Variants in CNBD1 observed in about 807,000 individuals in gnomAD.
CNBD1 encodes cyclic nucleotide binding domain containing 1.
In CNBD1, 71 loss-of-function variants were observed where a neutral mutation model predicts 54.4. The ratio of observed to expected loss-of-function variants is 1.30; its 90% CI spans 1.08 to 1.59. The LOEUF is 1.59. CNBD1 is among the 40% of genes most tolerant of loss of function. CNBD1 has a pLI of 0.00. For missense variants in CNBD1, 659 were observed against 518.0 expected (o/e 1.27, Z -2.64); for synonymous variants, 182 against 170.7 (o/e 1.07, Z -0.51).
rs368709291 is a variant in CNBD1, at chr8:86,906,394, G to A, written c.272+1200G>A. On this transcript the variant is annotated intron_variant, in intron 3 of 10. Transcript: ENST00000518476. ...GCTCTGCCTTTTCAAGAACAATTCT[G>A]TTAAATTAATAAAATCTTTTGAAAA... 2.1e-4 allele frequency among the ~76,000 whole-genome samples: 32 copies of A among 152,194 alleles called. No homozygotes were observed. The East Asian group carries it at 3.9e-3, about 18-fold the overall frequency.
intron 4 of CNBD1, among the ~76,000 whole-genome samples, chr8:87,189,523 A>G (rs535528221): frequency 6.6e-6 from 1 of 152,290 alleles, no homozygotes; most frequent in South Asian, 2.1e-4. Flanking sequence ...ACAAGAAAAA[A>G]GCCCAGCTAT....
rs372062301 is a variant in CNBD1, at chr8:87,082,653, C to CTGTG, written c.432-123322_432-123319dup. 5.6e-3 allele frequency among the ~76,000 whole-genome samples: 840 copies of CTGTG among 149,522 alleles called. 7 individuals are homozygous for CTGTG. The highest frequency in any genetic ancestry group is 0.019 in the African/African-American group (781 of 40,840). On this transcript the variant is annotated intron_variant, in intron 4 of 10. Transcript: ENST00000518476. The stretch of plus-strand genomic sequence containing the variant: ...CTTATACACTGCATACAACTGAACC[C>CTGTG]TGTGTGTGTGTGTGTGTGTGTTTTA...
chr8:87,138,622 A>G (rs1254389170), intron 4 of CNBD1, among the ~76,000 whole-genome samples: 2 of 152,132 alleles, frequency 1.3e-5, no homozygotes, highest in Non-Finnish European at 2.9e-5. Flanking sequence ...TTAGTGAGAC[A>G]AGGTGGCACG....
At chr8:87,189,212 C>CT (rs1364692818) in intron 4 of CNBD1, among the ~76,000 whole-genome samples, 1 of 152,056 alleles carries the variant, frequency 6.6e-6, no homozygotes, top group Non-Finnish European at 1.5e-5. Context: ...TACTTATACC[C>CT]TTTTTTGTGT....
intron 4 of CNBD1, among the ~76,000 whole-genome samples, chr8:87,084,595 T>C (rs1586245214): frequency 1.3e-5 from 2 of 152,170 alleles, no homozygotes; most frequent in African/African-American, 2.4e-5. Flanking sequence ...GGGTCATTTT[T>C]TTCTGTCTGC....
chr8:87,206,984 T>C (rs1437930616), intron 5 of CNBD1, among the ~76,000 whole-genome samples: 3 of 152,264 alleles, frequency 2.0e-5, no homozygotes, highest in South Asian at 4.1e-4. Context: ...CATTTAAAAC[T>C]TAACTGGAAT....
At chr8:87,426,122 A>T (rs532563712) in intron 2 of CNBD1, among the ~76,000 whole-genome samples, 1 of 152,298 alleles carries the variant, frequency 6.6e-6, no homozygotes, top group East Asian at 1.9e-4. Context: ...TAGGAAAGGG[A>T]ACTCCCTGAG....
rs1044637313 is a variant in CNBD1 at position 87,277,927 on chromosome 8, ATTAG to A, written c.772-6748_772-6745del. Among the ~76,000 whole-genome samples the A allele has an allele frequency of 1.2e-4, 18 of 151,864 alleles. 1 individual carries two copies. Among genetic ancestry groups the A allele is most frequent in the African/African-American group, 4.3e-4 (18 of 41,534 alleles). On this transcript the variant is annotated intron_variant, in intron 6 of 10. Coordinates refer to ENST00000518476, the MANE Select transcript of CNBD1 (RefSeq NM_173538.3). Reference sequence around the variant, plus strand: ...CACAGGTAATTTAGATATTGGAGTTATTAGTTCACAATAATAATAATATTTCCAA... The same window carrying A: ...CACAGGTAATTTAGATATTGGAGTTATTCACAATAATAATAATATTTCCAA...
At chr8:87,187,470 C>CTTTTT (rs5893014) in intron 4 of CNBD1, among the ~76,000 whole-genome samples, 11 of 141,884 alleles carry the variant, frequency 7.8e-5, no homozygotes, top group African/African-American at 2.6e-4. Flanking sequence ...ATATCCTTCT[C>CTTTTT]TTTTTTTTTT....
chr8:87,088,850 C>T (rs913683060), intron 4 of CNBD1, among the ~76,000 whole-genome samples: 4 of 152,020 alleles, frequency 2.6e-5, no homozygotes, highest in African/African-American at 9.7e-5. Context: ...AAAAGTAAAA[C>T]TGAAAGAGAA....
At chr8:87,004,422 G>A (rs533777164) in intron 4 of CNBD1, among the ~76,000 whole-genome samples, 5 of 151,886 alleles carry the variant, frequency 3.3e-5, no homozygotes, top group South Asian at 2.1e-4. Flanking sequence ...CTTTAAAAAC[G>A]TGTAACTTAT....
intron 6 of CNBD1, among the ~76,000 whole-genome samples, chr8:87,279,746 A>G (rs1245856602): frequency 2.0e-5 from 3 of 151,108 alleles, no homozygotes; most frequent in Non-Finnish European, 4.4e-5. Context: ...AAATATAACT[A>G]AATATGTGTA....
intron 4 of CNBD1, among the ~76,000 whole-genome samples, chr8:87,064,060 C>T (rs1293453930): frequency 6.6e-6 from 1 of 151,812 alleles, no homozygotes; most frequent in Non-Finnish European, 1.5e-5. Flanking sequence ...AAGCTGTATT[C>T]CTTCTTTCTA....
intron 8 of CNBD1, among the ~76,000 whole-genome samples, chr8:87,324,036 C>G (rs937696677): frequency 7.9e-6 from 1 of 125,934 alleles, no homozygotes; most frequent in East Asian, 2.1e-4. Flanking sequence ...TTGTCAAAGG[C>G]TTTTTCTGCA....
At chr8:86,925,356 A>G (rs1332573318) in intron 3 of CNBD1, among the ~76,000 whole-genome samples, 26 of 152,146 alleles carry the variant, frequency 1.7e-4, no homozygotes, top group Admixed American at 1.7e-3. Flanking sequence ...TTTATGAGTG[A>G]GGCTCACTTC....
At chr8:87,083,617 C>T (rs536179975) in intron 4 of CNBD1, among the ~76,000 whole-genome samples, 1 of 130,794 alleles carries the variant, frequency 7.6e-6, no homozygotes, top group Non-Finnish European at 1.6e-5. Flanking sequence ...GAGACGGAGT[C>T]TGACTCTGTG....
At chr8:87,405,701 T>C (rs1807640459) in intron 2 of CNBD1, among the ~76,000 whole-genome samples, 1 of 152,084 alleles carries the variant, frequency 6.6e-6, no homozygotes, top group African/African-American at 2.4e-5. Flanking sequence ...GAAAATTCCT[T>C]CCCTAGGATA....
chr8:87,283,883 A>T (rs891698728), intron 6 of CNBD1, among the ~76,000 whole-genome samples: 1 of 152,128 alleles, frequency 6.6e-6, no homozygotes, highest in East Asian at 1.9e-4. Context: ...CTTTGGCCTC[A>T]GCTGTGACTG....
intron 4 of CNBD1, among the ~76,000 whole-genome samples, chr8:87,107,121 C>T (rs1483720552): frequency 1.3e-5 from 2 of 152,192 alleles, no homozygotes; most frequent in Non-Finnish European, 2.9e-5. Context: ...AGCCACCGCA[C>T]CCGGCCTGTT....
Sources: gnomAD v4.1 joint callset for allele counts (sites outside exome capture counted in the v4.1 genomes callset) on GRCh38, gnomAD v4.1.1 for gene constraint, MANE v1.5 for transcripts, NCBI Gene and HGNC (gene_info 2026-07-23, HGNC 2026-07-21) for gene names.